The following TXNDC16 variants were observed in gnomAD, a reference collection of about 807,000 sequenced individuals.
The protein encoded by TXNDC16 is thioredoxin domain containing 16, also known as thioredoxin domain-containing protein 16.
Under a neutral mutation model 85.6 loss-of-function variants are expected in TXNDC16, and 74 were observed. That is an observed-to-expected ratio of 0.86 (90% confidence interval 0.72 to 1.05). The LOEUF (loss-of-function observed/expected upper bound fraction) is 1.05. Among genes scored for constraint, TXNDC16 ranks in the 50% least tolerant of loss-of-function variants. The pLI, the probability that TXNDC16 is intolerant of heterozygous loss-of-function variation, is 0.00. For missense variants in TXNDC16, 959 were observed against 947.0 expected, an observed-to-expected ratio of 1.01 and a Z score of -0.17; for synonymous variants, 335 against 326.5, an observed-to-expected ratio of 1.03 and a Z score of -0.28.
At chr14:52,455,916 G>A (rs1461722561) in intron 17 of TXNDC16, among the ~76,000 whole-genome samples, 1 of 152,022 alleles carries the variant, frequency 6.6e-6, no homozygotes, top group Non-Finnish European at 1.5e-5. Context: ...ACCTCATTTT[G>A]CAGATTAAGA....
chr14:52,526,378 T>A (rs2037335619), intron 6 of TXNDC16, among the ~76,000 whole-genome samples: 1 of 152,194 alleles, frequency 6.6e-6, no homozygotes, highest in Admixed American at 6.5e-5. Flanking sequence ...ACCAATATGT[T>A]CAGTTTTTGT....
chr14:52,514,861 A>G lies in TXNDC16; in HGVS notation c.605+19T>C. 1 of 1,563,206 alleles carries G rather than the reference A, an allele frequency of 6.4e-7. No homozygotes were observed. The highest frequency in any genetic ancestry group is 8.7e-7 in the Non-Finnish European group (1 of 1,151,028). On this transcript the variant is annotated intron_variant, in intron 8 of 20. Transcript: ENST00000281741. ...AAAAAAAAACCTTTAAATTGTTGAC[A>G]TATGCTTTTTATACATACCCAATAC...
At chr14:52,509,947 C>T (rs952190138) in intron 9 of TXNDC16, among the ~76,000 whole-genome samples, 3 of 150,482 alleles carry the variant, frequency 2.0e-5, no homozygotes, top group African/African-American at 7.3e-5. Flanking sequence ...CGCCACTGCA[C>T]TCCAGCCTGG....
intron 12 of TXNDC16, among the ~76,000 whole-genome samples, chr14:52,487,986 A>G (rs1439071444): frequency 6.6e-6 from 1 of 152,270 alleles, no homozygotes; most frequent in Non-Finnish European, 1.5e-5. Flanking sequence ...CAAATATAAC[A>G]ATATTTATTA....
chr14:52,504,196 T>C (rs2036732978), intron 9 of TXNDC16, among the ~76,000 whole-genome samples: 1 of 151,976 alleles, frequency 6.6e-6, no homozygotes, highest in South Asian at 2.1e-4. Context: ...CAGGCCAACA[T>C]TCAGATTCAG....
chr14:52,490,499 AATAG>A, intron 10 of TXNDC16, 48 bp from the exon 11 acceptor site: 1 of 1,384,198 alleles, frequency 7.2e-7, no homozygotes, highest in South Asian at 1.3e-5. Context: ...TCTGAAGAAT[AATAG>A]TCACCCAGGA....
chr14:52,503,175 A>T lies in TXNDC16; in HGVS notation c.756+8065T>A, dbSNP rs1183334373. Among the ~76,000 whole-genome samples the T allele has an allele frequency of 2.0e-5, 3 of 152,220 alleles. No individual in the cohort carries two copies. The East Asian group carries it at 5.8e-4, about 29-fold the overall frequency. On this transcript the variant is annotated intron_variant, in intron 9 of 20. Coordinates refer to ENST00000281741, the MANE Select transcript of TXNDC16 (RefSeq NM_020784.3). ...GGCAGGACTTAGCCAAAGAAAAGGC[A>T]GCAAAAACCTCTGCAGACTTAAATG...
intron 9 of TXNDC16, among the ~76,000 whole-genome samples, chr14:52,500,832 T>C (rs935958236): frequency 5.9e-5 from 9 of 152,240 alleles, no homozygotes; most frequent in African/African-American, 1.9e-4. Context: ...ATGTAAAAAT[T>C]TCAGAAATTA....
chr14:52,470,064 C>G lies in TXNDC16; in HGVS notation c.1591G>C (p.Gly531Arg). The G allele has an allele frequency of 1.2e-6, 2 of 1,610,862 alleles. No homozygotes were observed. Among genetic ancestry groups the G allele is most frequent in the Non-Finnish European group, 1.7e-6 (2 of 1,178,688 alleles). The change falls in exon 16 of 21, where the codon GGA becomes CGA. Residue 531 changes from glycine (G) to arginine (R), a missense_variant. Gly to Arg is a moderately radical substitution (Grantham distance 125). Transcript: ENST00000281741. ...GTTTTCATGGTTGGACTAAATAGTC[C>G]CAATACTGACACACTAGAATACAAG... is the stretch of plus-strand genomic sequence containing the variant. ...LILYSSVSVL[G>R]LFSPTMKTAK...
intron 6 of TXNDC16, among the ~76,000 whole-genome samples, chr14:52,526,946 G>C (rs926054210): frequency 1.3e-5 from 2 of 152,214 alleles, no homozygotes; most frequent in South Asian, 4.1e-4. Context: ...ATAGCAAAAT[G>C]CACAGAAGTT....
intron 18 of TXNDC16, among the ~76,000 whole-genome samples, chr14:52,446,263 G>C (rs1265960802): frequency 6.6e-6 from 1 of 152,194 alleles, no homozygotes; most frequent in Non-Finnish European, 1.5e-5. Context: ...GTTTGGGAGA[G>C]GGAGAGCACA....
At chr14:52,489,883 T>G (rs1055240632) in intron 11 of TXNDC16, among the ~76,000 whole-genome samples, 3 of 152,166 alleles carry the variant, frequency 2.0e-5, no homozygotes, top group African/African-American at 7.2e-5. Context: ...TCACCCAGGG[T>G]GGACGTGCAG....
chr14:52,528,051 A>G (rs1213472676), intron 6 of TXNDC16, among the ~76,000 whole-genome samples: 2 of 152,190 alleles, frequency 1.3e-5, no homozygotes, highest in African/African-American at 4.8e-5. Context: ...AAATATTAAC[A>G]ATTAGTATAA....
chr14:52,471,512 C>T (rs1263512574), intron 14 of TXNDC16, among the ~76,000 whole-genome samples: 1 of 152,168 alleles, frequency 6.6e-6, no homozygotes, highest in African/African-American at 2.4e-5. Context: ...ACACAGTGAT[C>T]TACATCAGGT....
intron 18 of TXNDC16, among the ~76,000 whole-genome samples, chr14:52,450,838 A>G (rs562372825): frequency 6.7e-6 from 1 of 149,336 alleles, no homozygotes; most frequent in East Asian, 1.9e-4. Context: ...CAACAAGTGG[A>G]TAAGAAAATG....
At chr14:52,438,123 G>T (rs956629730) in intron 20 of TXNDC16, among the ~76,000 whole-genome samples, 1 of 152,220 alleles carries the variant, frequency 6.6e-6, no homozygotes, top group Non-Finnish European at 1.5e-5. Context: ...GCGGTTTCTT[G>T]AGTTGGAAAC....
intron 6 of TXNDC16, among the ~76,000 whole-genome samples, chr14:52,524,881 G>A (rs1325438365): frequency 6.6e-6 from 1 of 152,034 alleles, no homozygotes; most frequent in Non-Finnish European, 1.5e-5. Context: ...AGCACTTTGG[G>A]AGGCTGAGGC....
rs114586669 is a variant in TXNDC16 at position 52,472,418 on chromosome 14, C to T, written c.1313-1738G>A. ...TTCACCATGTTAGCCCTAGGATGGT[C>T]CTGATCTGACCTCGTGATCTGCCTG... On this transcript the variant is annotated intron_variant, in intron 14 of 20. Transcript: ENST00000281741. Among the ~76,000 whole-genome samples the T allele has an allele frequency of 3.5e-3, 525 of 152,104 alleles. 2 individuals are homozygous for T. The highest frequency in any genetic ancestry group is 0.012 in the African/African-American group (485 of 41,492).
At chr14:52,454,268 A>T (rs1041169606) in intron 18 of TXNDC16, among the ~76,000 whole-genome samples, 1 of 151,330 alleles carries the variant, frequency 6.6e-6, no homozygotes, top group Non-Finnish European at 1.5e-5. Flanking sequence ...TCTACAAAAA[A>T]ATACCAAAAT....
Sources: allele counts gnomAD v4.1 joint callset (sites outside exome capture counted in the v4.1 genomes callset), GRCh38; gene constraint gnomAD v4.1.1; transcripts MANE v1.5; gene names NCBI Gene and HGNC (gene_info 2026-07-23, HGNC 2026-07-21).